Variants in IL18RAP observed in about 807,000 individuals in gnomAD.
IL18RAP encodes interleukin-18 receptor accessory protein.
A neutral mutation model predicts 58.1 loss-of-function variants in IL18RAP; 37 were observed. That is an observed-to-expected ratio of 0.64 (90% CI 0.49 to 0.84). The LOEUF (loss-of-function observed/expected upper bound fraction) is 0.84. Among genes scored for constraint, IL18RAP ranks in the 40% least tolerant of loss-of-function variants. The probability of loss-of-function intolerance (pLI) is 0.00; values close to 1 mark genes in which losing one functional copy is unlikely to be tolerated. For missense variants in IL18RAP, 667 were observed against 704.8 expected (o/e 0.95, Z 0.61); for synonymous variants, 268 against 257.5 (o/e 1.04, Z -0.39).
At chr2:102,442,342 A>C (rs753428330) in intron 5 of IL18RAP, among the ~76,000 whole-genome samples, 11 of 151,904 alleles carry the variant, frequency 7.2e-5, no homozygotes, top group Non-Finnish European at 1.5e-4. Flanking sequence ...TGCTACTAAA[A>C]CATTTATTAT....
At chr2:102,442,801 A>T (rs1219258116) in intron 5 of IL18RAP, among the ~76,000 whole-genome samples, 1 of 152,206 alleles carries the variant, frequency 6.6e-6, no homozygotes, top group East Asian at 1.9e-4. Context: ...TTAATAAACA[A>T]ATATTGGATA....
In IL18RAP at chr2:102,441,393, T is replaced by C; in HGVS notation, c.796+16T>C. The C allele has an allele frequency of 6.2e-7, 1 of 1,606,810 alleles. No individual in the cohort carries two copies. The highest frequency in any genetic ancestry group is 8.5e-7 in the Non-Finnish European group (1 of 1,173,664). On this transcript the variant is annotated intron_variant, in intron 5 of 9. Transcript: ENST00000687160. ...GTAGAACTTGGTAAGCTGGGCCTCA[T>C]CGCCTTTGAATGACATCGTGCTGCT...
chr2:102,430,262 A>G (rs1196020161), intron 3 of IL18RAP, among the ~76,000 whole-genome samples: 1 of 152,002 alleles, frequency 6.6e-6, no homozygotes, highest in Non-Finnish European at 1.5e-5. Flanking sequence ...ATGTATCTAC[A>G]ATTGTTATAT....
chr2:102,426,315 ACACC>A (rs1293977930), intron 3 of IL18RAP, among the ~76,000 whole-genome samples: 1 of 152,172 alleles, frequency 6.6e-6, no homozygotes, highest in Non-Finnish European at 1.5e-5. Context: ...GACCAGGGAT[ACACC>A]CACCAGATAT....
intron 3 of IL18RAP, among the ~76,000 whole-genome samples, chr2:102,425,539 G>A (rs952418745): frequency 6.6e-6 from 1 of 152,142 alleles, no homozygotes; most frequent in Non-Finnish European, 1.5e-5. Flanking sequence ...CCTAATTTCA[G>A]AAACATTCAT....
intron 3 of IL18RAP, among the ~76,000 whole-genome samples, chr2:102,427,826 C>T (rs1474586930): frequency 2.0e-5 from 3 of 151,910 alleles, no homozygotes; most frequent in African/African-American, 7.2e-5. Flanking sequence ...AGTTTTACAA[C>T]TTTAGGTCTT....
chr2:102,449,641 T>G (rs182818061), intron 8 of IL18RAP, among the ~76,000 whole-genome samples: 1 of 152,322 alleles, frequency 6.6e-6, no homozygotes, highest in Non-Finnish European at 1.5e-5. Context: ...GTAACCAAAA[T>G]TTTAGAGATG....
intron 3 of IL18RAP, among the ~76,000 whole-genome samples, chr2:102,428,603 T>G (rs1682126399): frequency 1.3e-5 from 2 of 151,914 alleles, no homozygotes; most frequent in African/African-American, 2.4e-5. Flanking sequence ...CTAACAGTTT[T>G]TTAGTGGAGT....
intron 3 of IL18RAP, among the ~76,000 whole-genome samples, chr2:102,430,773 G>A (rs927162253): frequency 6.6e-6 from 1 of 151,974 alleles, no homozygotes; most frequent in African/African-American, 2.4e-5. Flanking sequence ...TTCATAACAG[G>A]CTAGTTAAGC....
intron 7 of IL18RAP, 40 bp from the exon 8 acceptor site, chr2:102,447,030 G>T (rs764548395): frequency 2.5e-6 from 4 of 1,601,364 alleles, no homozygotes; most frequent in African/African-American, 2.7e-5. Context: ...GTCCAATCCC[G>T]CTGCCTCTAT....
intron 3 of IL18RAP, chr2:102,434,980 A>G (rs1280164446): frequency 6.6e-6 from 1 of 151,478 alleles, no homozygotes; most frequent in Non-Finnish European, 1.5e-5. Context: ...AATTTCCATA[A>G]TATACTCCAT....
chr2:102,447,116 C>A lies in IL18RAP; in HGVS notation c.1119C>A (p.Ala373=). 6.2e-7 allele frequency: 1 copy of A among 1,614,066 alleles called. No individual in the cohort carries two copies. The highest frequency in any genetic ancestry group is 2.2e-5 in the East Asian group (1 of 44,864). ...ILLGTIGTLV[A]VLAASALLYR... ...TTGGCACCATCGGGACCCTGGTGGC[C>A]GTGCTGGCGGCGAGTGCCCTCCTCT... Residue 373 remains alanine (A), a synonymous_variant, in exon 8 of 10, where the codon GCC becomes GCA. Transcript: ENST00000687160.
intron 3 of IL18RAP, among the ~76,000 whole-genome samples, chr2:102,435,727 G>C (rs1345831624): frequency 6.6e-6 from 1 of 152,124 alleles, no homozygotes; most frequent in Non-Finnish European, 1.5e-5. Context: ...CTGACTGGTA[G>C]TATAAGAAAT....
At position 102,439,884 on chromosome 2, in the gene IL18RAP, A is replaced by G. The variant is rs540511324; in HGVS notation, c.731-1428A>G. 6 of 152,378 alleles carry G rather than the reference A, an allele frequency of 3.9e-5. No homozygotes were observed. In the South Asian group the frequency reaches 1.2e-3, roughly 32 times the overall value. The allele number at this position is 152,378 out of a possible 1,614,324, so 9.4% of individuals were successfully genotyped here. ...GAATGTGAAGATGATCGATTTTTAC[A>G]TAATATCTGAAGCCAAAGAGCTGAA... On this transcript the variant is annotated intron_variant, in intron 4 of 9. Coordinates refer to ENST00000687160, the MANE Select transcript of IL18RAP (RefSeq NM_001393487.1).
intron 5 of IL18RAP, among the ~76,000 whole-genome samples, chr2:102,442,319 A>T (rs897577005): frequency 5.9e-5 from 9 of 151,816 alleles, no homozygotes; most frequent in African/African-American, 1.7e-4. Context: ...TATTATTATT[A>T]TACTTTCTAA....
At chr2:102,441,660 G>T (rs1218722549) in intron 5 of IL18RAP, among the ~76,000 whole-genome samples, 1 of 152,116 alleles carries the variant, frequency 6.6e-6, no homozygotes, top group East Asian at 1.9e-4. Flanking sequence ...GGCTGAGGTG[G>T]GTAGATCACT....
rs374476221 is a variant in IL18RAP, at chr2:102,424,025, G to C, written c.285G>C (p.Glu95Asp). 1 of 1,613,866 alleles carries C rather than the reference G, an allele frequency of 6.2e-7. No homozygotes were observed. The highest frequency in any genetic ancestry group is 8.5e-7 in the Non-Finnish European group (1 of 1,179,930). ...AACCTTCGAATGGAGATCCATTAGAGGACATTAGGAAAAGCTATCCTCACA... is the reference window on the plus strand; with the variant it reads ...AACCTTCGAATGGAGATCCATTAGACGACATTAGGAAAAGCTATCCTCACA... The part of the protein sequence containing the change: ...YQQPSNGDPL[E>D]DIRKSYPHII... Residue 95 changes from glutamate to aspartate, a missense_variant, in exon 2 of 10, where the codon GAG becomes GAC. Coordinates refer to ENST00000687160, the MANE Select transcript of IL18RAP (RefSeq NM_001393487.1).
intron 3 of IL18RAP, among the ~76,000 whole-genome samples, chr2:102,435,774 C>T (rs1472803416): frequency 3.9e-5 from 6 of 152,034 alleles, no homozygotes; most frequent in Admixed American, 1.3e-4. Context: ...ATACCTGCCC[C>T]TAGTAGTAAG....
intron 4 of IL18RAP, chr2:102,438,637 A>T (rs564655391): frequency 3.3e-5 from 5 of 152,330 alleles, no homozygotes; most frequent in African/African-American, 1.2e-4. Flanking sequence ...CCCAAGGGAC[A>T]CCTTGCAACA....
Sources: gnomAD v4.1 joint callset for allele counts (sites outside exome capture counted in the v4.1 genomes callset) on GRCh38, gnomAD v4.1.1 for gene constraint, MANE v1.5 for transcripts, NCBI Gene and HGNC (gene_info 2026-07-23, HGNC 2026-07-21) for gene names.